PTPRD: variants seen among roughly 807,000 people sequenced by gnomAD.
PTPRD encodes the protein protein tyrosine phosphatase receptor type D, also known as receptor-type tyrosine-protein phosphatase delta.
In PTPRD, 34 loss-of-function variants were observed where a neutral mutation model predicts 214.5. The ratio of observed to expected loss-of-function variants is 0.16; its 90% CI spans 0.12 to 0.21. PTPRD has a LOEUF of 0.21. Ranked by LOEUF, PTPRD falls within the 10% of genes least tolerant of loss-of-function variation. The pLI is 1.00. For synonymous variants in PTPRD, 1,128 were observed against 845.7 expected, an observed-to-expected ratio of 1.33 and a Z score of -5.79; for missense variants, 2,545 against 2,398.7, an observed-to-expected ratio of 1.06 and a Z score of -1.27.
chr9:9,641,027 C>A (rs559533765), intron 7 of PTPRD, among the ~76,000 whole-genome samples: 90 of 152,328 alleles, frequency 5.9e-4, no homozygotes, highest in African/African-American at 2.0e-3. Context: ...GCTGGATCAG[C>A]AGAAATTACT....
chr9:9,147,591 A>G (rs187105316), intron 10 of PTPRD, among the ~76,000 whole-genome samples: 1 of 152,296 alleles, frequency 6.6e-6, no homozygotes. Flanking sequence ...GTCCATGAAT[A>G]AAGCTTTCTT....
At chr9:10,551,876 G>T (rs902408834) in intron 2 of PTPRD, among the ~76,000 whole-genome samples, 5 of 152,128 alleles carry the variant, frequency 3.3e-5, no homozygotes, top group African/African-American at 1.2e-4. Context: ...CCTGAGACTT[G>T]AAACATGCTG....
Position 8,387,227 on chromosome 9 carries a change from C to T in PTPRD, c.4386+2005G>A, listed in dbSNP as rs138050474. On this transcript the variant is annotated intron_variant, in intron 37 of 45. Transcript: ENST00000381196. ...CATTTAGTAACTTCCAAATAAGTTC[C>T]TCTGGCTGAGGGGAGTTGGGGGAGA... Among the ~76,000 whole-genome samples the T allele has an allele frequency of 3.4e-4, 51 of 152,196 alleles. No individual in the cohort carries two copies. The East Asian group carries it at 5.0e-3, about 15-fold the overall frequency.
At chr9:10,210,742 T>C (rs528162318) in intron 3 of PTPRD, among the ~76,000 whole-genome samples, 50 of 116,344 alleles carry the variant, frequency 4.3e-4, no homozygotes, top group African/African-American at 1.3e-3. Flanking sequence ...AAAATGCTTA[T>C]ATATATTTAA....
At chr9:8,525,181 C>G in intron 17 of PTPRD, 146 bp from the exon 18 acceptor site, 1 of 772,044 alleles carries the variant, frequency 1.3e-6, no homozygotes. Flanking sequence ...GTTGCACAGA[C>G]AGAAAATGAT....
chr9:9,835,269 T>C (rs2056413736), intron 5 of PTPRD, among the ~76,000 whole-genome samples: 2 of 152,104 alleles, frequency 1.3e-5, no homozygotes, highest in Non-Finnish European at 2.9e-5. Flanking sequence ...GCCTCTGCCA[T>C]GAGATAACCA....
intron 12 of PTPRD, among the ~76,000 whole-genome samples, chr9:8,665,003 T>G (rs932150634): frequency 6.6e-6 from 1 of 152,224 alleles, no homozygotes; most frequent in Non-Finnish European, 1.5e-5. Flanking sequence ...TCATGCTTTC[T>G]TAGCAGAACA....
intron 2 of PTPRD, among the ~76,000 whole-genome samples, chr9:10,345,104 A>G (rs1313411070): frequency 1.3e-5 from 2 of 152,122 alleles, no homozygotes; most frequent in South Asian, 2.1e-4. Context: ...ATGAATTCCA[A>G]TCACCCACCA....
chr9:8,334,264 T>G (rs902602266), intron 43 of PTPRD, among the ~76,000 whole-genome samples: 2 of 152,034 alleles, frequency 1.3e-5, no homozygotes, highest in African/African-American at 4.8e-5. Context: ...TATTCTAACA[T>G]TGACCACATA....
At chr9:8,820,150 T>A (rs1054558914) in intron 11 of PTPRD, among the ~76,000 whole-genome samples, 1 of 152,188 alleles carries the variant, frequency 6.6e-6, no homozygotes, top group Admixed American at 6.5e-5. Context: ...TACATATATG[T>A]TTATATTCTT....
intron 7 of PTPRD, among the ~76,000 whole-genome samples, chr9:9,579,758 A>G (rs1181563194): frequency 2.0e-5 from 3 of 152,158 alleles, no homozygotes; most frequent in East Asian, 3.9e-4. Context: ...ATATGCATAT[A>G]TCACATAGTG....
At chr9:9,108,208 G>A (rs2099801331) in intron 10 of PTPRD, among the ~76,000 whole-genome samples, 3 of 152,080 alleles carry the variant, frequency 2.0e-5, no homozygotes, top group African/African-American at 4.8e-5. Context: ...TATGAATTAA[G>A]TATTCTCTCC....
At position 9,291,888 on chromosome 9, in the gene PTPRD, GTA is replaced by G. The variant is rs141504829; in HGVS notation, c.-203+105559_-203+105560del. Among the ~76,000 whole-genome samples, 1,145 of 142,934 alleles carry G rather than the reference GTA, an allele frequency of 8.0e-3. 10 individuals carry two copies. Among genetic ancestry groups the G allele is most frequent in the Middle Eastern group, 0.031 (8 of 256 alleles). 93.8% of individuals were successfully genotyped at this position (142,934 alleles called of 152,430 possible). ...ATATGTGTATATATATGTGTGTATGGTATATATATATATATATATCTCAAATG... is the reference window on the plus strand; with the variant it reads ...ATATGTGTATATATATGTGTGTATGGTATATATATATATATATCTCAAATG... On this transcript the variant is annotated intron_variant, in intron 9 of 45. Transcript: ENST00000381196.
chr9:8,871,569 T>A (rs2098299290), intron 11 of PTPRD, among the ~76,000 whole-genome samples: 1 of 152,124 alleles, frequency 6.6e-6, no homozygotes, highest in African/African-American at 2.4e-5. Context: ...CTTGATCTTA[T>A]CCAGTGACTG....
At chr9:10,509,557 T>TTATATATATA (rs3076461) in intron 2 of PTPRD, among the ~76,000 whole-genome samples, 1,608 of 106,620 alleles carry the variant, frequency 0.015, 81 homozygotes, top group African/African-American at 0.057. Context: ...TTAATAAATA[T>TTATATATATA]TATATATATA....
intron 44 of PTPRD, among the ~76,000 whole-genome samples, chr9:8,329,920 T>C (rs1015739954): frequency 2.0e-5 from 3 of 148,136 alleles, no homozygotes; most frequent in Admixed American, 6.8e-5. Flanking sequence ...CAGTGAGATT[T>C]TCAAGCCAGT....
At chr9:9,754,000 A>G (rs2098545985) in intron 6 of PTPRD, among the ~76,000 whole-genome samples, 1 of 152,076 alleles carries the variant, frequency 6.6e-6, no homozygotes, top group Non-Finnish European at 1.5e-5. Flanking sequence ...AGCAATTATT[A>G]TATTATACCA....
intron 9 of PTPRD, among the ~76,000 whole-genome samples, chr9:9,313,654 A>T (rs1569567285): frequency 6.6e-6 from 1 of 152,134 alleles, no homozygotes; most frequent in Non-Finnish European, 1.5e-5. Flanking sequence ...AGTAATTAGG[A>T]AGAGTGTTTT....
intron 7 of PTPRD, among the ~76,000 whole-genome samples, chr9:9,580,546 TC>T (rs1308983889): frequency 6.9e-6 from 1 of 144,732 alleles, no homozygotes; most frequent in African/African-American, 2.5e-5. Flanking sequence ...TACTTTATTT[TC>T]TTTTTTTTTT....
Sources: allele counts gnomAD v4.1 joint callset (sites outside exome capture counted in the v4.1 genomes callset), GRCh38; gene constraint gnomAD v4.1.1; transcripts MANE v1.5; gene names NCBI Gene and HGNC (gene_info 2026-07-23, HGNC 2026-07-21).